MTHFD2: variants seen among roughly 807,000 people sequenced by gnomAD.
MTHFD2 encodes methylenetetrahydrofolate dehydrogenase (NADP+ dependent) 2, methenyltetrahydrofolate cyclohydrolase, also known as bifunctional methylenetetrahydrofolate dehydrogenase/cyclohydrolase, mitochondrial.
In MTHFD2, 26 loss-of-function variants were observed where a neutral mutation model predicts 36.8. That is an observed-to-expected ratio of 0.71 (90% CI 0.52 to 0.98). The LOEUF (loss-of-function observed/expected upper bound fraction) is 0.98. Ranked by LOEUF, MTHFD2 falls within the 50% of genes least tolerant of loss-of-function variation. The probability of loss-of-function intolerance (pLI) is 0.00; values close to 1 mark genes in which losing one functional copy is unlikely to be tolerated. For missense variants in MTHFD2, 373 were observed against 434.0 expected, an observed-to-expected ratio of 0.86 and a Z score of 1.25; for synonymous variants, 164 against 155.2, an observed-to-expected ratio of 1.06 and a Z score of -0.42.
Position 74,205,854 on chromosome 2 carries a change from A to G in MTHFD2, c.251A>G (p.Tyr84Cys). The change falls in exon 2 of 8, where the codon TAT becomes TGT. Residue 84 changes from tyrosine to cysteine, a missense_variant. Coordinates refer to ENST00000394053, the MANE Select transcript of MTHFD2 (RefSeq NM_006636.4). Reference protein sequence around the residue: ...LVGENPASHSYVLNKTRAAAV... With the variant: ...LVGENPASHSCVLNKTRAAAV... ...GGCGAGAATCCTGCAAGTCACTCCTATGTCCTCAACAAAACCAGGGCAGCT... is the reference window on the plus strand; with the variant it reads ...GGCGAGAATCCTGCAAGTCACTCCTGTGTCCTCAACAAAACCAGGGCAGCT... The G allele has an allele frequency of 6.2e-7, 1 of 1,613,824 alleles. No individual in the cohort carries two copies. The highest frequency in any genetic ancestry group is 1.3e-5 in the African/African-American group (1 of 74,946).
At chr2:74,210,179 A>G in intron 5 of MTHFD2, 130 bp downstream of exon 5, 1 of 623,940 alleles carries the variant, frequency 1.6e-6, no homozygotes, top group Non-Finnish European at 2.5e-6. Context: ...GTTAACAGAC[A>G]ATTCAGGGAG....
In MTHFD2 at chr2:74,213,974, TTATG is replaced by T. The variant is rs578080831; in HGVS notation, c.890-99_890-96del. 3.1e-4 allele frequency: 392 copies of T among 1,268,548 alleles called. No homozygotes were observed. In the South Asian group the frequency reaches 4.3e-3, roughly 14 times the overall value. The allele number at this position is 1,268,548 out of a possible 1,614,324, so 78.6% of individuals were successfully genotyped here. A position where few individuals can be genotyped will look rare whatever the true frequency, so the allele number is the denominator to read the frequency against. On this transcript the variant is annotated intron_variant, in intron 7 of 7. Coordinates refer to ENST00000394053, the MANE Select transcript of MTHFD2 (RefSeq NM_006636.4). ...TAGATGTGATTTTTGAGTTTTATGCTTATGTATGTTACTTTTTCCTTGCATGCTT... is the reference window on the plus strand; with the variant it reads ...TAGATGTGATTTTTGAGTTTTATGCTTATGTTACTTTTTCCTTGCATGCTT...
At chr2:74,213,270 C>CTTTTTTTTTTTTTTTTTTTTT (rs10638050) in intron 7 of MTHFD2, among the ~76,000 whole-genome samples, 1 of 76,032 alleles carries the variant, frequency 1.3e-5, no homozygotes, top group African/African-American at 6.0e-5. Context: ...TTTTTCTTTC[C>CTTTTTTTTTTTTTTTTTTTTT]TTTTTTTTTT....
At chr2:74,198,770 G>A (rs1693965074) in intron 1 of MTHFD2, 28 bp downstream of exon 1, 14 of 1,574,420 alleles carry the variant, frequency 8.9e-6, no homozygotes, top group Non-Finnish European at 1.2e-5. Flanking sequence ...CTCGGTCAGC[G>A]CGGAAAGCTG....
intron 5 of MTHFD2, 31 bp from the exon 6 acceptor site, chr2:74,211,168 G>A (rs767938667): frequency 7.1e-7 from 1 of 1,416,196 alleles, no homozygotes; most frequent in Non-Finnish European, 1.0e-6. Context: ...CTTTGTGTCA[G>A]AAATCAAGAC....
chr2:74,213,311 CTG>C (rs1452923047), intron 7 of MTHFD2, among the ~76,000 whole-genome samples: 1 of 122,996 alleles, frequency 8.1e-6, no homozygotes, highest in Non-Finnish European at 1.6e-5. Flanking sequence ...GGATCCCTCT[CTG>C]TTGCCCAGGC....
intron 1 of MTHFD2, among the ~76,000 whole-genome samples, chr2:74,200,300 A>G (rs1262971383): frequency 6.6e-6 from 1 of 152,170 alleles, no homozygotes; most frequent in African/African-American, 2.4e-5. Flanking sequence ...TTCATTACCT[A>G]AAGAACTGGG....
intron 1 of MTHFD2, 109 bp downstream of exon 1, chr2:74,198,851 C>T (rs2103797291): frequency 9.3e-7 from 1 of 1,071,382 alleles, no homozygotes; most frequent in Non-Finnish European, 1.3e-6. Context: ...CGAACATCTC[C>T]GCCCCGGCGG....
chr2:74,210,278 T>C (rs1045482488), intron 5 of MTHFD2, among the ~76,000 whole-genome samples: 17 of 152,242 alleles, frequency 1.1e-4, no homozygotes, highest in African/African-American at 4.1e-4. Flanking sequence ...TAAATTTAAG[T>C]TTTGAGTATA....
intron 7 of MTHFD2, among the ~76,000 whole-genome samples, chr2:74,213,430 C>T (rs931949628): frequency 1.3e-5 from 2 of 151,648 alleles, no homozygotes; most frequent in African/African-American, 2.4e-5. Flanking sequence ...GCACATGTCA[C>T]CTCACTTGGC....
At chr2:74,209,042 T>G (rs960223010) in intron 4 of MTHFD2, among the ~76,000 whole-genome samples, 2 of 151,340 alleles carry the variant, frequency 1.3e-5, no homozygotes, top group African/African-American at 4.9e-5. Context: ...CCCAGCTAAT[T>G]TTTTTATTTC....
Position 74,214,998 on chromosome 2 carries a change from T to G in MTHFD2, c.*756T>G, listed in dbSNP as rs760478439. The G allele has an allele frequency of 1.2e-4, 18 of 152,674 alleles. No individual in the cohort carries two copies. The highest frequency in any genetic ancestry group is 1.1e-3 in the Admixed American group (17 of 15,278). The allele number at this position is 152,674 out of a possible 1,614,324, so 9.5% of individuals were successfully genotyped here. ...TCATATTTGGCTTTTGCTATATACTTTAACTTCATTGTTAAATTTTTGTAT... is the reference window on the plus strand; with the variant it reads ...TCATATTTGGCTTTTGCTATATACTGTAACTTCATTGTTAAATTTTTGTAT... On this transcript the variant is annotated 3_prime_UTR_variant, in exon 8 of 8. Transcript: ENST00000394053.
chr2:74,213,135 C>G (rs931919901), intron 7 of MTHFD2, among the ~76,000 whole-genome samples: 1 of 152,018 alleles, frequency 6.6e-6, no homozygotes, highest in Non-Finnish European at 1.5e-5. Flanking sequence ...AACTCCTGGC[C>G]TCAAGTGATC....
At chr2:74,214,035 C>T in intron 7 of MTHFD2, 44 bp from the exon 8 acceptor site, 1 of 1,590,916 alleles carries the variant, frequency 6.3e-7, no homozygotes, top group South Asian at 1.1e-5. Flanking sequence ...CACACATGTC[C>T]TTTGCCATAA....
intron 7 of MTHFD2, 46 bp downstream of exon 7, chr2:74,211,912 A>G (rs1694312752): frequency 7.2e-7 from 1 of 1,392,296 alleles, no homozygotes; most frequent in East Asian, 2.5e-5. Flanking sequence ...AATAAATACT[A>G]CCTTTCATGG....
chr2:74,210,550 C>T (rs887380757), intron 5 of MTHFD2, among the ~76,000 whole-genome samples: 1 of 152,180 alleles, frequency 6.6e-6, no homozygotes, highest in Admixed American at 6.5e-5. Flanking sequence ...AAACTATATA[C>T]TTTCAACTAT....
At chr2:74,201,184 C>T (rs1162934519) in intron 1 of MTHFD2, among the ~76,000 whole-genome samples, 5 of 151,908 alleles carry the variant, frequency 3.3e-5, no homozygotes, top group Non-Finnish European at 7.4e-5. Flanking sequence ...GACAGGGTTT[C>T]ACCATGTTGG....
At chr2:74,210,086 T>A (rs1362548774) in intron 5 of MTHFD2, 37 bp downstream of exon 5, 11 of 1,553,572 alleles carry the variant, frequency 7.1e-6, no homozygotes, top group Non-Finnish European at 9.7e-6. Flanking sequence ...TGTCCTTTTT[T>A]CCCCATGTAA....
In MTHFD2 at chr2:74,207,844, T is replaced by C; in HGVS notation, c.409+18T>C. ...TCTTCCAGGTGAGTTTTGGACTCCA[T>C]TTAACATGATTGCTGCTGCTTCTGC... On this transcript the variant is annotated intron_variant, in intron 3 of 7. Coordinates refer to ENST00000394053, the MANE Select transcript of MTHFD2 (RefSeq NM_006636.4). 6 of 1,573,842 alleles carry C rather than the reference T, an allele frequency of 3.8e-6. No homozygotes were observed. The highest frequency in any genetic ancestry group is 5.2e-6 in the Non-Finnish European group (6 of 1,149,672).
Sources: gnomAD v4.1 joint callset for allele counts (sites outside exome capture counted in the v4.1 genomes callset) on GRCh38, gnomAD v4.1.1 for gene constraint, MANE v1.5 for transcripts, NCBI Gene and HGNC (gene_info 2026-07-23, HGNC 2026-07-21) for gene names.